DPYSL3: variants seen among roughly 807,000 people sequenced by gnomAD.
The protein encoded by DPYSL3 is dihydropyrimidinase like 3.
A neutral mutation model predicts 66.1 loss-of-function variants in DPYSL3; 16 were observed. The observed-to-expected ratio is 0.24, with a 90% CI of 0.16 to 0.37. The LOEUF (loss-of-function observed/expected upper bound fraction) is 0.37. Among genes scored for constraint, DPYSL3 ranks in the 10% least tolerant of loss-of-function variants. The pLI, the probability that DPYSL3 is intolerant of heterozygous loss-of-function variation, is 1.00. For missense variants in DPYSL3, 738 were observed against 916.2 expected (o/e 0.81, Z 2.51); for synonymous variants, 338 against 345.1 (o/e 0.98, Z 0.23).
Position 147,477,253 on chromosome 5 carries a change from A to G in DPYSL3, c.381+32225T>C, listed in dbSNP as rs557180905. Among the ~76,000 whole-genome samples the G allele has an allele frequency of 9.8e-5, 15 of 152,314 alleles. No homozygotes were observed. In the East Asian group the frequency reaches 2.9e-3, roughly 29 times the overall value. ...AGCCAATGAAATGAAACACTCAATGAGTGGTTTAACAGCAGATTATTTACA... is the reference window on the plus strand; with the variant it reads ...AGCCAATGAAATGAAACACTCAATGGGTGGTTTAACAGCAGATTATTTACA... On this transcript the variant is annotated intron_variant, in intron 1 of 13. Transcript: ENST00000343218.
chr5:147,465,851 G>C (rs1581207854), intron 1 of DPYSL3, among the ~76,000 whole-genome samples: 5 of 152,146 alleles, frequency 3.3e-5, no homozygotes, highest in Admixed American at 1.3e-4. Context: ...GGCTTAACTT[G>C]TCCCTCTCCC....
intron 2 of DPYSL3, among the ~76,000 whole-genome samples, chr5:147,423,011 A>G (rs1411320002): frequency 1.3e-5 from 2 of 152,144 alleles, no homozygotes; most frequent in Admixed American, 6.5e-5. Context: ...TAATAATAAT[A>G]ATAAAAAAGT....
intron 6 of DPYSL3, among the ~76,000 whole-genome samples, chr5:147,410,801 A>G (rs975946386): frequency 6.6e-6 from 1 of 152,174 alleles, no homozygotes; most frequent in East Asian, 1.9e-4. Flanking sequence ...CTTCATTTAA[A>G]CAATGTGATA....
intron 1 of DPYSL3, among the ~76,000 whole-genome samples, chr5:147,437,692 A>G (rs890836035): frequency 2.0e-5 from 3 of 152,196 alleles, no homozygotes; most frequent in Non-Finnish European, 2.9e-5. Flanking sequence ...GGTCTATCAT[A>G]CAGGAGTGCA....
chr5:147,509,544 G>A lies in DPYSL3; in HGVS notation c.315C>T (p.Pro105=), dbSNP rs759340791. The change falls in exon 1 of 14, where the codon CCC becomes CCT. Residue 105 remains proline, a synonymous_variant. Coordinates refer to ENST00000343218, the MANE Select transcript of DPYSL3 (RefSeq NM_001197294.2). This position sits in a 1 kb window ranked among gnomAD's most constrained non-coding sequence, Gnocchi z 5.3. ...TGGCGCTCCGGATCTCTACCCCGGC[G>A]GGGGCGGGGGAGGCGGGCGCGGGCT... ...SREPAPASPA[P]AGVEIRSATG... The A allele has an allele frequency of 8.0e-5, 123 of 1,534,734 alleles. No homozygotes were observed. The highest frequency in any genetic ancestry group is 1.0e-4 in the Non-Finnish European group (119 of 1,146,394).
intron 11 of DPYSL3, among the ~76,000 whole-genome samples, chr5:147,398,417 C>T (rs979958084): frequency 1.1e-4 from 16 of 152,152 alleles, no homozygotes; most frequent in African/African-American, 3.6e-4. Context: ...TTTTTCTGTA[C>T]CTCCAATTTT....
intron 1 of DPYSL3, among the ~76,000 whole-genome samples, chr5:147,465,322 C>T (rs147764558): frequency 0.022 from 3,282 of 151,816 alleles, 116 homozygotes; most frequent in African/African-American, 0.07. Context: ...TTTTTTTTGA[C>T]GGAGCCTCGC....
rs979952709 is a variant in DPYSL3 at position 147,509,643 on chromosome 5, G to A, written c.216C>T (p.Asp72=). ...AKTPRSGQGS[D]RGSGSRPGIE... is the part of the protein sequence containing the mutation. ...TCCCGGGCCGACTCCCCGATCCTCG[G>A]TCGCTGCCCTGGCCGCTCCGAGGAG... The change falls in exon 1 of 14, where the codon GAC becomes GAT. Residue 72 remains aspartate (D), a synonymous_variant. Transcript: ENST00000343218. This position sits in a 1 kb window ranked among gnomAD's most constrained non-coding sequence, Gnocchi z 5.3. The A allele has an allele frequency of 6.5e-6, 10 of 1,535,676 alleles. No homozygotes were observed. In the African/African-American group the frequency reaches 1.2e-4, roughly 19 times the overall value.
chr5:147,497,017 T>C (rs1408179518), intron 1 of DPYSL3, among the ~76,000 whole-genome samples: 1 of 152,128 alleles, frequency 6.6e-6, no homozygotes, highest in African/African-American at 2.4e-5. Flanking sequence ...CCAACAGCGA[T>C]AGACTGAATT....
intron 1 of DPYSL3, among the ~76,000 whole-genome samples, chr5:147,489,023 A>G (rs1354342124): frequency 1.3e-5 from 2 of 151,906 alleles, no homozygotes; most frequent in Non-Finnish European, 2.9e-5. Flanking sequence ...CTAAAAAAAA[A>G]AAAAGAAAAA....
intron 1 of DPYSL3, among the ~76,000 whole-genome samples, chr5:147,441,534 C>T (rs1449469702): frequency 2.0e-5 from 3 of 152,142 alleles, no homozygotes; most frequent in Non-Finnish European, 4.4e-5. Context: ...ACTTTAATTA[C>T]TGGGTAGGGG....
chr5:147,424,830 A>T, intron 2 of DPYSL3, 45 bp downstream of exon 2: 3 of 1,392,778 alleles, frequency 2.2e-6, no homozygotes, highest in Non-Finnish European at 3.0e-6. Context: ...CCATTAATGA[A>T]GGAGGAAGTG....
intron 2 of DPYSL3, among the ~76,000 whole-genome samples, chr5:147,422,189 AG>A (rs1309777528): frequency 6.6e-6 from 1 of 152,224 alleles, no homozygotes; most frequent in African/African-American, 2.4e-5. Flanking sequence ...AAATGGGCAA[AG>A]GATATGAACA....
chr5:147,501,866 G>A (rs1281171322), intron 1 of DPYSL3, among the ~76,000 whole-genome samples: 1 of 152,044 alleles, frequency 6.6e-6, no homozygotes, highest in Non-Finnish European at 1.5e-5. Context: ...GTGTGTTTAT[G>A]GAGACAGGGG....
At chr5:147,449,616 C>G (rs1752689718) in intron 1 of DPYSL3, among the ~76,000 whole-genome samples, 1 of 152,184 alleles carries the variant, frequency 6.6e-6, no homozygotes. Flanking sequence ...TGGACAAGGC[C>G]TAGCTTTGAT....
At chr5:147,424,085 A>G (rs1221784529) in intron 2 of DPYSL3, among the ~76,000 whole-genome samples, 1 of 152,136 alleles carries the variant, frequency 6.6e-6, no homozygotes, top group Non-Finnish European at 1.5e-5. Flanking sequence ...GGGGGCTGGT[A>G]AAAAAAGTTT....
At chr5:147,485,028 G>C (rs1753310493) in intron 1 of DPYSL3, among the ~76,000 whole-genome samples, 1 of 152,140 alleles carries the variant, frequency 6.6e-6, no homozygotes, top group Admixed American at 6.5e-5. Context: ...GAGAGTTTTA[G>C]TCTCTTTTTT....
At chr5:147,452,690 A>AC in intron 1 of DPYSL3, among the ~76,000 whole-genome samples, 1 of 148,884 alleles carries the variant, frequency 6.7e-6, no homozygotes, top group South Asian at 2.2e-4. Flanking sequence ...TCCCCTCTCC[A>AC]CCCCGCCCTA....
intron 12 of DPYSL3, among the ~76,000 whole-genome samples, chr5:147,397,183 TATATATAC>T (rs1220484638): frequency 6.7e-6 from 1 of 148,230 alleles, no homozygotes; most frequent in East Asian, 2.0e-4. Context: ...CCTATATATA[TATATATAC>T]ACACATATCT....
Sources: allele counts gnomAD v4.1 joint callset (sites outside exome capture counted in the v4.1 genomes callset), GRCh38; gene constraint gnomAD v4.1.1; non-coding constraint Gnocchi (gnomAD v3.1); transcripts MANE v1.5; gene names NCBI Gene and HGNC (gene_info 2026-07-23, HGNC 2026-07-21).